ENOX2: variants seen among roughly 807,000 people sequenced by gnomAD.
ENOX2 encodes APK1 antigen.
Under a neutral mutation model 45.0 loss-of-function variants are expected in ENOX2, and 36 were observed. The observed-to-expected ratio is 0.80, with a 90% confidence interval of 0.61 to 1.06. The LOEUF is 1.06. ENOX2 is among the 50% of genes least tolerant of loss of function. The probability of loss-of-function intolerance (pLI) is 0.00; values close to 1 mark genes in which losing one functional copy is unlikely to be tolerated. For synonymous variants in ENOX2, 174 were observed against 152.3 expected, an observed-to-expected ratio of 1.14 and a Z score of -1.05; for missense variants, 423 against 462.5, an observed-to-expected ratio of 0.91 and a Z score of 0.78.
At chrX:130,646,120 CAGCCCAGCAAG>C (rs1171964596) in intron 10 of ENOX2, 7 of 525,479 alleles carry the variant, frequency 1.3e-5, no homozygotes, top group African/African-American at 4.6e-5. Context: ...CTGCTGCCTG[CAGCCCAGCAAG>C]CAACTTCTCC....
rs185305150 is a variant in ENOX2 at position 130,821,711 on chromosome X, A to T, written c.-182-38021T>A. 7.0e-3 allele frequency among the ~76,000 whole-genome samples: 662 copies of T among 94,300 alleles called. 3 individuals carry two copies. Among genetic ancestry groups the T allele is most frequent in the Admixed American group, 0.011 (89 of 8,213 alleles). 81.9% of individuals were successfully genotyped at this position (94,300 alleles called of 115,157 possible). A position where few individuals can be genotyped will look rare whatever the true frequency, so the allele number is the denominator to read the frequency against. Reference sequence around the variant, plus strand: ...TATAATAAAAAAAAAAATTAAAAAAAAAATAAATAAATAAAAATAAATAAA... The same window carrying T: ...TATAATAAAAAAAAAAATTAAAAAATAAATAAATAAATAAAAATAAATAAA... On this transcript the variant is annotated intron_variant, in intron 2 of 14. Transcript: ENST00000394363.
intron 2 of ENOX2, among the ~76,000 whole-genome samples, chrX:130,811,208 C>T (rs1213621428): frequency 9.0e-6 from 1 of 111,408 alleles, no homozygotes; most frequent in African/African-American, 3.3e-5. Context: ...AGGCTCATCC[C>T]AGTGGACCCA....
intron 2 of ENOX2, among the ~76,000 whole-genome samples, chrX:130,868,431 A>G (rs1314166074): frequency 8.9e-6 from 1 of 112,136 alleles, no homozygotes. Context: ...AAATGTCAAC[A>G]TGGTGAAAAA....
chrX:130,633,648 A>T (rs1241295834), intron 12 of ENOX2, among the ~76,000 whole-genome samples: 2 of 112,493 alleles, frequency 1.8e-5, no homozygotes, highest in African/African-American at 6.5e-5. Flanking sequence ...TACAAAGCAG[A>T]AAGCTACTTA....
At chrX:130,632,405 C>G (rs1286905270) in intron 12 of ENOX2, among the ~76,000 whole-genome samples, 1 of 92,399 alleles carries the variant, frequency 1.1e-5, no homozygotes, top group Non-Finnish European at 2.2e-5. Context: ...AGGTGAAATC[C>G]ATGACCAGCA....
chrX:130,703,073 A>C, intron 4 of ENOX2, 47 bp downstream of exon 4: 1 of 1,149,973 alleles, frequency 8.7e-7, no homozygotes. Context: ...TTATAACCAC[A>C]TGGTCAATAA....
At chrX:130,679,784 T>C in intron 5 of ENOX2, 36 bp from the exon 6 acceptor site, 2 of 1,083,562 alleles carry the variant, frequency 1.8e-6, no homozygotes, top group Non-Finnish European at 1.3e-6. Flanking sequence ...GAAATTAAAA[T>C]GTTTGCTTGG....
intron 12 of ENOX2, among the ~76,000 whole-genome samples, chrX:130,632,370 G>GGA (rs1183981114): frequency 2.1e-5 from 1 of 47,015 alleles, no homozygotes; most frequent in Non-Finnish European, 3.9e-5. Flanking sequence ...GGGGCGGGGG[G>GGA]GGGGGGTGGT....
intron 2 of ENOX2, among the ~76,000 whole-genome samples, chrX:130,830,247 G>A (rs1449307693): frequency 9.0e-6 from 1 of 111,655 alleles, no homozygotes; most frequent in Non-Finnish European, 1.9e-5. Flanking sequence ...TGGGCTTCAC[G>A]TTCATTTAAA....
chrX:130,791,346 G>A (rs147194013), intron 2 of ENOX2, among the ~76,000 whole-genome samples: 46 of 110,797 alleles, frequency 4.2e-4, no homozygotes, highest in African/African-American at 1.2e-3. Context: ...AAGACGTGGC[G>A]CAGTGCCTTG....
chrX:130,728,539 G>A (rs760418510), intron 3 of ENOX2, among the ~76,000 whole-genome samples: 5 of 111,223 alleles, frequency 4.5e-5, no homozygotes, highest in Non-Finnish European at 9.4e-5. Flanking sequence ...CTAGGTGTAG[G>A]GGCTGCTCCT....
intron 2 of ENOX2, among the ~76,000 whole-genome samples, chrX:130,822,304 G>A (rs1326516098): frequency 3.6e-5 from 4 of 111,784 alleles, no homozygotes; most frequent in Non-Finnish European, 7.5e-5. Flanking sequence ...TAGTGCGAAA[G>A]CAACATCGTT....
At chrX:130,721,625 G>A (rs1449955725) in intron 3 of ENOX2, among the ~76,000 whole-genome samples, 1 of 111,471 alleles carries the variant, frequency 9.0e-6, no homozygotes, top group Non-Finnish European at 1.9e-5. Flanking sequence ...GGCAGAGGGT[G>A]TGGATGGCTT....
chrX:130,892,796 A>T (rs759858093), intron 2 of ENOX2, among the ~76,000 whole-genome samples: 1 of 112,856 alleles, frequency 8.9e-6, no homozygotes, highest in South Asian at 3.6e-4. Context: ...AGCACAAAAG[A>T]GTTTGTTCAT....
intron 2 of ENOX2, among the ~76,000 whole-genome samples, chrX:130,897,424 CAG>C (rs1416489901): frequency 8.9e-6 from 1 of 112,099 alleles, no homozygotes; most frequent in Admixed American, 9.4e-5. Flanking sequence ...ATAAAGAAAA[CAG>C]AGTTATGGCA....
chrX:130,785,889 G>A (rs1334519615), intron 2 of ENOX2, among the ~76,000 whole-genome samples: 1 of 112,413 alleles, frequency 8.9e-6, no homozygotes, highest in Non-Finnish European at 1.9e-5. Flanking sequence ...GATACCTTTT[G>A]GCAAGTCATG....
intron 3 of ENOX2, among the ~76,000 whole-genome samples, chrX:130,777,324 C>A (rs769179353): frequency 4.7e-4 from 51 of 109,246 alleles, no homozygotes; most frequent in Non-Finnish European, 8.2e-4. Flanking sequence ...CGTGGAGAAA[C>A]CCTGTCTCTA....
intron 2 of ENOX2, among the ~76,000 whole-genome samples, chrX:130,789,084 T>C (rs1233961421): frequency 2.7e-5 from 3 of 111,470 alleles, no homozygotes; most frequent in African/African-American, 9.8e-5. Flanking sequence ...GGGTTCCTTG[T>C]AGAATGACAT....
chrX:130,844,513 A>G (rs1219251505), intron 2 of ENOX2, among the ~76,000 whole-genome samples: 4 of 112,326 alleles, frequency 3.6e-5, no homozygotes, highest in Non-Finnish European at 7.5e-5. Flanking sequence ...TAGAGGTCCA[A>G]TTTCAAAATG....
Sources: gnomAD v4.1 joint callset for allele counts (sites outside exome capture counted in the v4.1 genomes callset) on GRCh38, gnomAD v4.1.1 for gene constraint, MANE v1.5 for transcripts, NCBI Gene and HGNC (gene_info 2026-07-23, HGNC 2026-07-21) for gene names.